TMEM50B: variants seen among roughly 807,000 people sequenced by gnomAD.
TMEM50B encodes the protein HCV p7-trans-regulated protein 3.
TMEM50B carries 14 observed loss-of-function variants against 23.4 expected under a neutral mutation model. The ratio of observed to expected loss-of-function variants is 0.60; its 90% CI spans 0.39 to 0.93. The LOEUF (loss-of-function observed/expected upper bound fraction) is 0.93, where lower values mean the gene tolerates loss of function less well. Among genes scored for constraint, TMEM50B ranks in the 40% least tolerant of loss-of-function variants. TMEM50B has a pLI of 0.00. For missense variants in TMEM50B, 159 were observed against 193.0 expected, an observed-to-expected ratio of 0.82 and a Z score of 1.04; for synonymous variants, 64 against 62.3, an observed-to-expected ratio of 1.03 and a Z score of -0.13.
chr21:33,459,115 T>C (rs2084195025), intron 5 of TMEM50B, among the ~76,000 whole-genome samples: 4 of 152,226 alleles, frequency 2.6e-5, no homozygotes, highest in Admixed American at 2.6e-4. Context: ...TTGCGTTCTC[T>C]GAAACTGACT....
intron 1 of TMEM50B, among the ~76,000 whole-genome samples, chr21:33,470,896 A>C (rs1262957705): frequency 6.6e-6 from 1 of 152,162 alleles, no homozygotes; most frequent in Admixed American, 6.6e-5. Context: ...TCTCAAAGAA[A>C]AAAAAAGAAA....
Position 33,455,728 on chromosome 21 carries a change from T to C in TMEM50B, c.430A>G (p.Ser144Gly), listed in dbSNP as rs779451690. The change falls in exon 6 of 7, where the codon AGC becomes GGC. Residue 144 changes from serine (S) to glycine (G), a missense_variant and splice_region_variant. Coordinates refer to ENST00000542230, the MANE Select transcript of TMEM50B (RefSeq NM_006134.7). ...VFFQNALIFF[S>G]TLIYKFGRTE... ...TGGTTAAAAAATAAGGCAACTTACCTAAAAAATATAAGTGCATTTTGAAAA... is the reference window on the plus strand; with the variant it reads ...TGGTTAAAAAATAAGGCAACTTACCCAAAAAATATAAGTGCATTTTGAAAA... 5 of 1,613,166 alleles carry C rather than the reference T, an allele frequency of 3.1e-6. No homozygotes were observed. The highest frequency in any genetic ancestry group is 3.3e-5 in the Admixed American group (2 of 59,938).
At chr21:33,455,843 T>A in intron 5 of TMEM50B, 59 bp from the exon 6 acceptor site, 2 of 1,161,664 alleles carry the variant, frequency 1.7e-6, no homozygotes, top group Non-Finnish European at 2.6e-6. Flanking sequence ...AGTAATAAAG[T>A]ATCAGTGCCA....
chr21:33,449,326 C>A lies in TMEM50B; in HGVS notation c.*1492G>T, dbSNP rs1203459412. On this transcript the variant is annotated 3_prime_UTR_variant, in exon 7 of 7. Coordinates refer to ENST00000542230, the MANE Select transcript of TMEM50B (RefSeq NM_006134.7). ...CTCCACAACTGCTTCATACTCTGTG[C>A]ACAAGAAATCCTCTCAAGAGAGAGG... 6.6e-6 allele frequency: 1 copy of A among 151,382 alleles called. No individual in the cohort carries two copies. Among genetic ancestry groups the A allele is most frequent in the Non-Finnish European group, 1.5e-5 (1 of 67,670 alleles). 9.4% of individuals were successfully genotyped at this position (151,382 alleles called of 1,614,324 possible). A position where few individuals can be genotyped will look rare whatever the true frequency, so the allele number is the denominator to read the frequency against.
At chr21:33,436,670 T>C (rs1440341927) in intron 8 of TMEM50B, among the ~76,000 whole-genome samples, 1 of 151,200 alleles carries the variant, frequency 6.6e-6, no homozygotes, top group East Asian at 1.9e-4. Flanking sequence ...TGCAGTGAGC[T>C]GAGATCACAC....
intron 1 of TMEM50B, among the ~76,000 whole-genome samples, chr21:33,475,233 T>G (rs1490104687): frequency 6.6e-6 from 1 of 152,128 alleles, no homozygotes; most frequent in Non-Finnish European, 1.5e-5. Flanking sequence ...GGCCAAACAT[T>G]TTGTTTCTTA....
chr21:33,447,950 A>G (rs1231562956), downstream of TMEM50B, among the ~76,000 whole-genome samples: 1 of 152,072 alleles, frequency 6.6e-6, no homozygotes, highest in Non-Finnish European at 1.5e-5. Flanking sequence ...CTAACTCATA[A>G]TATTTCTAAG....
At chr21:33,436,903 T>C in intron 8 of TMEM50B, 1 of 1,614,040 alleles carries the variant, frequency 6.2e-7, no homozygotes, top group Middle Eastern at 1.7e-4. Flanking sequence ...CGTCTGGGAC[T>C]CTGTGTCCAT....
At chr21:33,453,213 C>T (rs574968036) in intron 6 of TMEM50B, among the ~76,000 whole-genome samples, 2 of 152,252 alleles carry the variant, frequency 1.3e-5, no homozygotes, top group South Asian at 4.1e-4. Context: ...CCTCAGCCTT[C>T]CGAGTAGCTG....
At chr21:33,473,669 A>C (rs919679721) in intron 1 of TMEM50B, among the ~76,000 whole-genome samples, 1 of 151,234 alleles carries the variant, frequency 6.6e-6, no homozygotes, top group African/African-American at 2.4e-5. Context: ...AAAAAAAAAA[A>C]CAAGAAGGTG....
intron 7 of TMEM50B, among the ~76,000 whole-genome samples, chr21:33,440,405 T>G (rs62226411): frequency 2.0e-4 from 30 of 152,002 alleles, no homozygotes; most frequent in Non-Finnish European, 4.4e-4. Flanking sequence ...CTGACCAACA[T>G]GGTGAAACAC....
At chr21:33,466,780 G>GA (rs34046682) in intron 3 of TMEM50B, among the ~76,000 whole-genome samples, 398 of 149,520 alleles carry the variant, frequency 2.7e-3, no homozygotes, top group Non-Finnish European at 4.5e-3. Context: ...AAAATATGAG[G>GA]AAAAAAAAAA....
chr21:33,471,706 T>C (rs905030193), intron 1 of TMEM50B, among the ~76,000 whole-genome samples: 11 of 152,068 alleles, frequency 7.2e-5, no homozygotes, highest in African/African-American at 2.7e-4. Flanking sequence ...AGACCCTGTC[T>C]CTAAAAAATA....
At chr21:33,442,351 G>A (rs899652182) in intron 7 of TMEM50B, among the ~76,000 whole-genome samples, 3 of 152,128 alleles carry the variant, frequency 2.0e-5, no homozygotes, top group Non-Finnish European at 4.4e-5. Context: ...AGCTGGCTAC[G>A]CTTGAGAGGG....
downstream of TMEM50B, chr21:33,446,974 C>T (rs2084065955): frequency 6.6e-6 from 1 of 151,922 alleles, no homozygotes; most frequent in Non-Finnish European, 1.5e-5. Context: ...GAAACCATGT[C>T]TCTACTAAAA....
intron 1 of TMEM50B, among the ~76,000 whole-genome samples, chr21:33,476,776 A>C (rs1192482048): frequency 6.6e-6 from 1 of 151,600 alleles, no homozygotes. Flanking sequence ...AAAAAAAAAA[A>C]AAACAACTTT....
intron 4 of TMEM50B, among the ~76,000 whole-genome samples, chr21:33,464,753 A>C (rs976927987): frequency 3.4e-5 from 5 of 148,404 alleles, no homozygotes; most frequent in African/African-American, 9.8e-5. Context: ...GTGGTGAGCC[A>C]AAAACCCACC....
In TMEM50B at chr21:33,432,889, TC is replaced by T. The variant is rs193922682; in HGVS notation, c.*2121-88del. 0.045 allele frequency: 58,196 copies of T among 1,303,950 alleles called. 337 individuals are homozygous for T. Among genetic ancestry groups the T allele is most frequent in the Non-Finnish European group, 0.048 (46,017 of 950,148 alleles). The allele number at this position is 1,303,950 out of a possible 1,614,324, so 80.8% of individuals were successfully genotyped here. A position where few individuals can be genotyped will look rare whatever the true frequency, so the allele number is the denominator to read the frequency against. ...TAGAAGAGGTACGTGTGCACACATC[TC>T]TTTTTTTTTTTTTGAGACAGGGTCT... is the stretch of plus-strand genomic sequence containing the variant. On this transcript the variant is annotated intron_variant and NMD_transcript_variant, in intron 8 of 8. Transcript: ENST00000420455.
intron 1 of TMEM50B, among the ~76,000 whole-genome samples, chr21:33,476,178 G>A (rs544867257): frequency 7.2e-5 from 11 of 152,276 alleles, no homozygotes; most frequent in Admixed American, 2.0e-4. Flanking sequence ...TGGATCCCCT[G>A]AGATCGGGAG....
Sources: gnomAD v4.1 joint callset for allele counts (sites outside exome capture counted in the v4.1 genomes callset) on GRCh38, gnomAD v4.1.1 for gene constraint, MANE v1.5 for transcripts, NCBI Gene and HGNC (gene_info 2026-07-23, HGNC 2026-07-21) for gene names.